Variants in UGDH observed in about 807,000 individuals in gnomAD.
The protein encoded by UGDH is UDP-Glc dehydrogenase.
In UGDH, 38 loss-of-function variants were observed where a neutral mutation model predicts 50.6. The observed-to-expected ratio is 0.75, with a 90% CI of 0.58 to 0.98. The LOEUF (loss-of-function observed/expected upper bound fraction) is 0.98. UGDH is among the 50% of genes least tolerant of loss of function. The pLI, the probability that UGDH is intolerant of heterozygous loss-of-function variation, is 0.00. For missense variants in UGDH, 465 were observed against 606.2 expected (o/e 0.77, Z 2.45); for synonymous variants, 168 against 199.9 (o/e 0.84, Z 1.35).
intron 11 of UGDH, 63 bp downstream of exon 11, chr4:39,503,812 G>A: frequency 7.0e-7 from 1 of 1,426,906 alleles, no homozygotes; most frequent in Non-Finnish European, 9.7e-7. Flanking sequence ...ATAGTCCCCA[G>A]TTGTTGAATC....
chr4:39,504,294 C>A, intron 10 of UGDH, 123 bp downstream of exon 10: 1 of 827,140 alleles, frequency 1.2e-6, no homozygotes, highest in Non-Finnish European at 1.9e-6. Flanking sequence ...GGCGACAGAG[C>A]GAGACTCCAT....
At position 39,500,153 on chromosome 4, in the gene UGDH, G is replaced by A. The variant is rs1745739521; in HGVS notation, c.1475C>T (p.Pro492Leu). The A allele has an allele frequency of 6.4e-7, 1 of 1,573,692 alleles. No individual in the cohort carries two copies. Among genetic ancestry groups the A allele is most frequent in the African/African-American group, 1.4e-5 (1 of 73,294 alleles). Reference sequence around the variant, plus strand: ...TAAAAATGGCAATCTCTACACTTTAGGTTTCTTGTTAGGTGGATCTTGAAG... The same window carrying A: ...TAAAAATGGCAATCTCTACACTTTAAGTTTCTTGTTAGGTGGATCTTGAAG... ...FSLQDPPNKKPKV is the reference protein window; with the variant it reads ...FSLQDPPNKKLKV The change falls in exon 12 of 12, where the codon CCT becomes CTT. Residue 492 changes from proline (P) to leucine (L), a missense_variant. Physicochemically the swap from Pro to Leu is moderately conservative, Grantham distance 98. Transcript: ENST00000316423.
At chr4:39,522,806 G>A (rs375431302) in intron 1 of UGDH, among the ~76,000 whole-genome samples, 2 of 146,980 alleles carry the variant, frequency 1.4e-5, no homozygotes, top group Non-Finnish European at 3.0e-5. Flanking sequence ...TTGCTCTGTC[G>A]CCAGGCTAGA....
intron 1 of UGDH, among the ~76,000 whole-genome samples, chr4:39,525,262 C>T (rs1228598942): frequency 3.9e-5 from 6 of 152,188 alleles, no homozygotes; most frequent in African/African-American, 1.4e-4. Flanking sequence ...GGCACCATGT[C>T]GGCTCACTGC....
chr4:39,508,670 G>A lies in UGDH; in HGVS notation c.812-10C>T, dbSNP rs200939360. The A allele has an allele frequency of 8.2e-6, 13 of 1,578,320 alleles. No homozygotes were observed. The highest frequency in any genetic ancestry group is 2.3e-5 in the East Asian group (1 of 42,750). Reference sequence around the variant, plus strand: ...CAGCTCCCACCAAACCCTGCAGAAAGAAAAAAATGAACAATATTTTCATGT... The same window carrying A: ...CAGCTCCCACCAAACCCTGCAGAAAAAAAAAAATGAACAATATTTTCATGT... On this transcript the variant is annotated splice_polypyrimidine_tract_variant and intron_variant, in intron 6 of 11. Transcript: ENST00000316423.
At chr4:39,510,963 T>A in intron 3 of UGDH, 102 bp from the exon 4 acceptor site, 3 of 1,082,608 alleles carry the variant, frequency 2.8e-6, no homozygotes, top group South Asian at 1.3e-5. Context: ...CAATCATCAG[T>A]AGCCCTGATT....
rs770254620 is a variant in UGDH, at chr4:39,500,125, A to G, written c.*18T>C. 2.0e-6 allele frequency: 3 copies of G among 1,469,364 alleles called. No individual in the cohort carries two copies. The highest frequency in any genetic ancestry group is 2.8e-5 in the African/African-American group (2 of 70,458). The allele number at this position is 1,469,364 out of a possible 1,614,324, so 91.0% of individuals were successfully genotyped here. On this transcript the variant is annotated 3_prime_UTR_variant, in exon 12 of 12. Transcript: ENST00000316423. ...ACCAAAAAAAAAAAAAAAAAATCAC[A>G]AATAAAAATGGCAATCTCTACACTT...
chr4:39,504,120 A>C (rs1399147146), intron 10 of UGDH, 135 bp from the exon 11 acceptor site: 1 of 694,514 alleles, frequency 1.4e-6, no homozygotes, highest in Non-Finnish European at 2.4e-6. Flanking sequence ...CATCCTGGCC[A>C]ACATGGTGAA....
At chr4:39,513,132 A>T (rs1053483845) in intron 3 of UGDH, among the ~76,000 whole-genome samples, 2 of 152,066 alleles carry the variant, frequency 1.3e-5, no homozygotes, top group Non-Finnish European at 2.9e-5. Context: ...GTCATATAAC[A>T]CCCTCACTCA....
chr4:39,517,722 C>T (rs955317357), intron 2 of UGDH, among the ~76,000 whole-genome samples: 2 of 152,148 alleles, frequency 1.3e-5, no homozygotes, highest in Non-Finnish European at 2.9e-5. Context: ...TACCATCATG[C>T]TGAATTCTAT....
chr4:39,502,925 T>G (rs543904007), intron 11 of UGDH, among the ~76,000 whole-genome samples: 2 of 152,180 alleles, frequency 1.3e-5, no homozygotes, highest in African/African-American at 4.8e-5. Context: ...TTTTATTATT[T>G]TTTTTTCCCA....
chr4:39,509,738 C>T, intron 6 of UGDH, 22 bp downstream of exon 6: 1 of 1,597,886 alleles, frequency 6.3e-7, no homozygotes. Context: ...GCTCTTTCTA[C>T]TAGAGAAAAA....
At chr4:39,513,193 T>G (rs1175697312) in intron 3 of UGDH, among the ~76,000 whole-genome samples, 1 of 152,172 alleles carries the variant, frequency 6.6e-6, no homozygotes, top group Non-Finnish European at 1.5e-5. Flanking sequence ...TTTGAGTAGA[T>G]GGTTACTAGG....
In UGDH at chr4:39,521,491, A is replaced by G; in HGVS notation, c.22T>C (p.Cys8Arg). 1 of 1,600,474 alleles carries G rather than the reference A, an allele frequency of 6.2e-7. No individual in the cohort carries two copies. The highest frequency in any genetic ancestry group is 8.5e-7 in the Non-Finnish European group (1 of 1,174,380). The change falls in exon 2 of 12, where the codon TGT (cysteine) becomes CGT (arginine). Residue 8 changes from cysteine (C) to arginine (R), a missense_variant. Coordinates refer to ENST00000316423, the MANE Select transcript of UGDH (RefSeq NM_003359.4). ...CCAACATAGCCTGCACCGATGCAAC[A>G]GATCTTCTTAATTTCAAACATGATT... MFEIKKI[C>R]CIGAGYVGGP...
intron 2 of UGDH, among the ~76,000 whole-genome samples, chr4:39,518,337 C>T (rs1186356010): frequency 6.6e-6 from 1 of 152,028 alleles, no homozygotes; most frequent in Non-Finnish European, 1.5e-5. Context: ...TGCTGGATCA[C>T]AGACTAATAG....
chr4:39,522,357 G>A (rs1182414837), intron 1 of UGDH, among the ~76,000 whole-genome samples: 1 of 152,162 alleles, frequency 6.6e-6, no homozygotes, highest in African/African-American at 2.4e-5. Flanking sequence ...GCCTTGCCAA[G>A]ACCTCAGACA....
chr4:39,523,728 C>T (rs1002404490), intron 1 of UGDH, among the ~76,000 whole-genome samples: 10 of 150,892 alleles, frequency 6.6e-5, no homozygotes, highest in African/African-American at 1.5e-4. Context: ...CGCTTGAACC[C>T]GGGAGGCGGA....
At chr4:39,503,722 T>G (rs148419268) in intron 11 of UGDH, among the ~76,000 whole-genome samples, 153 bp downstream of exon 11, 157 of 152,316 alleles carry the variant, frequency 1.0e-3, no homozygotes, top group Middle Eastern at 3.4e-3. Flanking sequence ...AGAACTTCCC[T>G]AGAAAGAAGG....
chr4:39,500,653 C>CTTTTTTTTTTTTTTTTTTTTTTTTT (rs11284301), intron 11 of UGDH, among the ~76,000 whole-genome samples: 1 of 135,222 alleles, frequency 7.4e-6, no homozygotes, highest in African/African-American at 2.7e-5. Flanking sequence ...GCATAATTCT[C>CTTTTTTTTTTTTTTTTTTTTTTTTT]TTTTTTTTTT....
Sources: gnomAD v4.1 joint callset for allele counts (sites outside exome capture counted in the v4.1 genomes callset) on GRCh38, gnomAD v4.1.1 for gene constraint, MANE v1.5 for transcripts, NCBI Gene and HGNC (gene_info 2026-07-23, HGNC 2026-07-21) for gene names.